SYNE1: variants seen among roughly 807,000 people sequenced by gnomAD.
SYNE1 encodes spectrin repeat containing nuclear envelope protein 1, also known as nesprin-1.
In SYNE1, 616 loss-of-function variants were observed where a neutral mutation model predicts 1,111.0. That is an observed-to-expected ratio of 0.55 (90% confidence interval 0.52 to 0.59). The LOEUF (loss-of-function observed/expected upper bound fraction) is 0.59. Ranked by LOEUF, SYNE1 falls within the 20% of genes least tolerant of loss-of-function variation. The probability of loss-of-function intolerance (pLI) is 0.00; values close to 1 mark genes in which losing one functional copy is unlikely to be tolerated. For missense variants in SYNE1, 10,006 were observed against 10,417.0 expected (o/e 0.96, Z 1.72); for synonymous variants, 3,855 against 3,825.8 (o/e 1.01, Z -0.28).
intron 100 of SYNE1, among the ~76,000 whole-genome samples, chr6:152,263,872 C>CTT (rs1353781385): frequency 6.6e-6 from 1 of 151,726 alleles, no homozygotes; most frequent in Non-Finnish European, 1.5e-5. Flanking sequence ...ATGCATAAGG[C>CTT]CTATAACCCT....
intron 145 of SYNE1, chr6:152,127,997 T>C (rs542328269): frequency 1.3e-5 from 2 of 152,328 alleles, no homozygotes; most frequent in East Asian, 3.9e-4. Context: ...AAGGCAATTT[T>C]GCATTTTACA....
At position 152,433,810 on chromosome 6, in the gene SYNE1, T is replaced by C. The variant is rs550807065; in HGVS notation, c.4446A>G (p.Gln1482=). The change falls in exon 34 of 146, where the codon CAA becomes CAG. Residue 1482 remains glutamine (Q), a synonymous_variant. Coordinates refer to ENST00000367255, the MANE Select transcript of SYNE1 (RefSeq NM_182961.4). The part of the protein sequence containing the change: ...LETSSSAMDM[Q]ISQIKVTIQE... ...AGCAGGTCACCTTAATTTGGCTGAT[T>C]TGCATGTCCATGGCAGATGACGAAG... The C allele has an allele frequency of 6.2e-7, 1 of 1,613,810 alleles. No homozygotes were observed. Among genetic ancestry groups the C allele is most frequent in the South Asian group, 1.1e-5 (1 of 91,076 alleles).
chr6:152,353,498 A>G, intron 68 of SYNE1, 65 bp from the exon 69 acceptor site: 1 of 1,613,592 alleles, frequency 6.2e-7, no homozygotes, highest in Non-Finnish European at 8.5e-7. Flanking sequence ...TTGTTGATGA[A>G]TATGTATCTT....
At position 152,255,035 on chromosome 6, in the gene SYNE1, A is replaced by C; in HGVS notation, c.19315T>G (p.Leu6439Val). Residue 6439 changes from leucine (L) to valine (V), a missense_variant, in exon 104 of 146, where the codon TTG becomes GTG. By Grantham distance (32) the Leu-to-Val change is conservative (BLOSUM62 1). This residue lies in a region of SYNE1 where 2,182 missense variants were observed against 2,287.8 expected (regional missense o/e 0.95). Transcript: ENST00000367255. ...MSEEMDKNKNLFSQAFPENGD... is the reference protein window; with the variant it reads ...MSEEMDKNKNVFSQAFPENGD... The stretch of plus-strand genomic sequence containing the variant: ...TTCTCTGGAAAAGCTTGGGAAAACA[A>C]GTTTTTGTTCTTATCCATTTCTTCA... The C allele has an allele frequency of 6.2e-7, 1 of 1,612,252 alleles. No homozygotes were observed. Among genetic ancestry groups the C allele is most frequent in the East Asian group, 2.2e-5 (1 of 44,812 alleles).
chr6:152,407,811 G>A (rs1481149062), intron 44 of SYNE1, among the ~76,000 whole-genome samples: 1 of 142,692 alleles, frequency 7.0e-6, no homozygotes, highest in Non-Finnish European at 1.5e-5. Context: ...TCCCAGGCTA[G>A]AGCGCAGTGG....
chr6:152,303,632 G>A (rs1211477303), intron 91 of SYNE1, among the ~76,000 whole-genome samples: 1 of 152,066 alleles, frequency 6.6e-6, no homozygotes, highest in East Asian at 1.9e-4. Context: ...AAATGGCATA[G>A]TATTTGCATA....
At chr6:152,343,241 C>A (rs1393518512) in intron 74 of SYNE1, among the ~76,000 whole-genome samples, 5 of 150,842 alleles carry the variant, frequency 3.3e-5, no homozygotes, top group African/African-American at 1.2e-4. Flanking sequence ...CAACCTCCGC[C>A]TCCACCTCCC....
intron 3 of SYNE1, among the ~76,000 whole-genome samples, chr6:152,600,687 C>A (rs2099594050): frequency 6.6e-6 from 1 of 152,140 alleles, no homozygotes; most frequent in East Asian, 1.9e-4. Context: ...TTCTTCTTGG[C>A]TTTGCTTCAG....
rs1187669309 is a variant in SYNE1, at chr6:152,135,211, C to T, written c.25681G>A (p.Gly8561Ser). 4 of 1,614,070 alleles carry T rather than the reference C, an allele frequency of 2.5e-6. No individual in the cohort carries two copies. In the Admixed American group the frequency reaches 6.7e-5, roughly 27 times the overall value. Residue 8561 changes from glycine (G) to serine (S), a missense_variant, in exon 142 of 146, where the codon GGT (glycine) becomes AGT (serine). Around this residue, in one of 7 missense-constraint regions of SYNE1, gnomAD observed 761 missense variants for 795.5 expected, o/e 0.96. Coordinates refer to ENST00000367255, the MANE Select transcript of SYNE1 (RefSeq NM_182961.4). ...QCQGFHEMSH[G>S]LLLMLENIDR... ...ATGTTCTCCAGCATAAGAAGCAAACCATGGCTCATTTCATGGAAACCCTAC... is the reference window on the plus strand; with the variant it reads ...ATGTTCTCCAGCATAAGAAGCAAACTATGGCTCATTTCATGGAAACCCTAC...
chr6:152,533,048 T>C (rs1399983298), intron 4 of SYNE1, among the ~76,000 whole-genome samples: 1 of 152,152 alleles, frequency 6.6e-6, no homozygotes, highest in Non-Finnish European at 1.5e-5. Flanking sequence ...CCACTGACAG[T>C]AGTCAAATAA....
rs143830765 is a variant in SYNE1, at chr6:152,381,371, G to T, written c.8653-9C>A. 8 of 1,612,110 alleles carry T rather than the reference G, an allele frequency of 5.0e-6. No homozygotes were observed. The East Asian group carries it at 1.8e-4, about 36-fold the overall frequency. On this transcript the variant is annotated splice_polypyrimidine_tract_variant and intron_variant, in intron 55 of 145. Transcript: ENST00000367255. Reference sequence around the variant, plus strand: ...CTGGAATCTATCAGCTCCTGTAATGGAATATCACCATGGTAACTGAAGAGC... The same window carrying T: ...CTGGAATCTATCAGCTCCTGTAATGTAATATCACCATGGTAACTGAAGAGC...
intron 63 of SYNE1, among the ~76,000 whole-genome samples, chr6:152,363,116 T>C (rs965808495): frequency 4.6e-5 from 7 of 150,802 alleles, no homozygotes; most frequent in East Asian, 2.0e-4. Flanking sequence ...CTCCTGACCT[T>C]GTGATCTGCC....
intron 9 of SYNE1, among the ~76,000 whole-genome samples, chr6:152,504,726 C>T (rs576285351): frequency 2.0e-5 from 3 of 152,170 alleles, no homozygotes; most frequent in African/African-American, 7.2e-5. Flanking sequence ...TTAGCACTCA[C>T]GCCCTTACCA....
At chr6:152,472,194 G>A (rs1167747034) in intron 15 of SYNE1, 107 bp downstream of exon 15, 7 of 914,708 alleles carry the variant, frequency 7.7e-6, no homozygotes, top group African/African-American at 1.7e-5. Flanking sequence ...TTTACCAAAG[G>A]TAGGCGCCTC....
intron 102 of SYNE1, 137 bp downstream of exon 102, chr6:152,256,497 T>C (rs1010543110): frequency 2.0e-6 from 2 of 989,070 alleles, no homozygotes; most frequent in African/African-American, 1.6e-5. Context: ...CAGTGATCTT[T>C]GTTTCAGCGC....
rs192299401 is a variant in SYNE1, at chr6:152,331,325, C to T, written c.13360G>A (p.Glu4454Lys). Residue 4454 changes from glutamate (E) to lysine (K), a missense_variant, in exon 78 of 146, where the codon GAG becomes AAG. Physicochemically the swap from Glu to Lys is moderately conservative, Grantham distance 56 (BLOSUM62 1). Around this residue, in one of 7 missense-constraint regions of SYNE1, gnomAD observed 4,955 missense variants for 5,017.2 expected, o/e 0.99. Transcript: ENST00000367255. ...ACTGCCATGAGAAACTGGGTTTTCT[C>T]GGACAAGGCTTTGTTTAAGTACTTT... The part of the protein sequence containing the change: ...RRKYLNKALS[E>K]KTQFLMAVFQ... The T allele has an allele frequency of 1.2e-5, 19 of 1,614,164 alleles. No individual in the cohort carries two copies. Among genetic ancestry groups the T allele is most frequent in the East Asian group, 6.7e-5 (3 of 44,890 alleles).
At chr6:152,365,147 C>T (rs1230696273) in intron 62 of SYNE1, 128 bp from the exon 63 acceptor site, 2 of 1,201,184 alleles carry the variant, frequency 1.7e-6, no homozygotes, top group African/African-American at 1.5e-5. Context: ...TCCCAGTCGG[C>T]TGAGACAGAG....
chr6:152,547,832 C>T (rs1028807203), intron 3 of SYNE1, among the ~76,000 whole-genome samples: 18 of 152,066 alleles, frequency 1.2e-4, no homozygotes, highest in Admixed American at 1.3e-4. Flanking sequence ...CATGTCATTG[C>T]AAATGGTAGG....
chr6:152,340,295 G>A (rs771944663), intron 74 of SYNE1, among the ~76,000 whole-genome samples: 2 of 152,168 alleles, frequency 1.3e-5, no homozygotes, highest in Non-Finnish European at 2.9e-5. Context: ...TGTGAGCAGA[G>A]GTCGGAGGGT....
Sources: allele counts gnomAD v4.1 joint callset (sites outside exome capture counted in the v4.1 genomes callset), GRCh38; gene constraint gnomAD v4.1.1; regional missense constraint gnomAD v4.1.1; transcripts MANE v1.5; gene names NCBI Gene and HGNC (gene_info 2026-07-23, HGNC 2026-07-21).